The following ZNF558 variants were observed in gnomAD, a reference collection of about 807,000 sequenced individuals.
The protein encoded by ZNF558 is zinc finger protein 558.
In ZNF558, 23 loss-of-function variants were observed where a neutral mutation model predicts 37.6. That is an observed-to-expected ratio of 0.61 (90% CI 0.44 to 0.87). The LOEUF is 0.87. ZNF558 is among the 40% of genes least tolerant of loss of function. The pLI, the probability that ZNF558 is intolerant of heterozygous loss-of-function variation, is 0.00. For synonymous variants in ZNF558, 189 were observed against 174.4 expected, an observed-to-expected ratio of 1.08 and a Z score of -0.66; for missense variants, 429 against 483.7, an observed-to-expected ratio of 0.89 and a Z score of 1.06.
intron 7 of ZNF558, among the ~76,000 whole-genome samples, chr19:8,816,729 G>A (rs1036460928): frequency 3.3e-5 from 5 of 152,172 alleles, no homozygotes; most frequent in Non-Finnish European, 7.3e-5. Context: ...GAAGAACACA[G>A]GTAAAGGTAA....
chr19:8,824,736 C>T (rs974052452), intron 3 of ZNF558, among the ~76,000 whole-genome samples: 1 of 152,138 alleles, frequency 6.6e-6, no homozygotes, highest in Non-Finnish European at 1.5e-5. Context: ...TCGAAGCTCT[C>T]TCCTCCGCCC....
At chr19:8,831,679 C>T (rs2044360472) in intron 1 of ZNF558, among the ~76,000 whole-genome samples, 1 of 152,186 alleles carries the variant, frequency 6.6e-6, no homozygotes, top group Non-Finnish European at 1.5e-5. Context: ...ACTCCACAGG[C>T]TTTAAAAATA....
chr19:8,807,807 T>C lies in ZNF558; in HGVS notation c.*3474A>G, dbSNP rs2043715326. ...TTTTCTATAATCTGTTCCTCCTCCATTAGGTGAAGTATTTCAATGGCAAAA... is the reference window on the plus strand; with the variant it reads ...TTTTCTATAATCTGTTCCTCCTCCACTAGGTGAAGTATTTCAATGGCAAAA... On this transcript the variant is annotated 3_prime_UTR_variant, in exon 10 of 10. Transcript: ENST00000601372. The C allele has an allele frequency of 6.6e-6, 1 of 152,108 alleles. No individual in the cohort carries two copies. Among genetic ancestry groups the C allele is most frequent in the Non-Finnish European group, 1.5e-5 (1 of 68,020 alleles). The allele number at this position is 152,108 out of a possible 1,614,324, so 9.4% of individuals were successfully genotyped here.
intron 7 of ZNF558, among the ~76,000 whole-genome samples, chr19:8,818,115 A>G (rs576571339): frequency 2.0e-5 from 3 of 152,286 alleles, no homozygotes; most frequent in Non-Finnish European, 4.4e-5. Flanking sequence ...AAAACAATGA[A>G]CTCATACAAA....
chr19:8,832,092 C>G (rs2044373841), intron 1 of ZNF558, 117 bp downstream of exon 1: 1 of 152,370 alleles, frequency 6.6e-6, no homozygotes, highest in South Asian at 2.1e-4. Context: ...AGCTCACAGC[C>G]CGAGGCCTCA....
At chr19:8,836,507 T>A (rs1218872132), upstream of ZNF558, among the ~76,000 whole-genome samples, 2 of 151,352 alleles carry the variant, frequency 1.3e-5, no homozygotes, top group Non-Finnish European at 3.0e-5. Flanking sequence ...TTCTTTTTTT[T>A]TGGAGACAGG....
Position 8,811,461 on chromosome 19 carries a change from G to A in ZNF558, c.1029C>T (p.Thr343=), listed in dbSNP as rs368343151. ...FSLTVHKRIH[T]GEKPYECSDC... ...CACTGCACTCGTAGGGTTTCTCTCC[G>A]GTATGTATTCTCTTGTGCACAGTAA... is the stretch of plus-strand genomic sequence containing the variant. Residue 343 remains threonine, a synonymous_variant, in exon 10 of 10, where the codon ACC becomes ACT. Transcript: ENST00000601372. The A allele has an allele frequency of 1.8e-5, 29 of 1,613,802 alleles. No homozygotes were observed. The highest frequency in any genetic ancestry group is 4.0e-5 in the African/African-American group (3 of 74,934).
At chr19:8,815,626 A>T (rs183044705) in intron 7 of ZNF558, among the ~76,000 whole-genome samples, 170 of 152,078 alleles carry the variant, frequency 1.1e-3, no homozygotes, top group African/African-American at 3.9e-3. Flanking sequence ...ACAAAAAATT[A>T]AAAAAATTAG....
intron 2 of ZNF558, among the ~76,000 whole-genome samples, chr19:8,827,785 G>T (rs2044266343): frequency 6.6e-6 from 1 of 151,952 alleles, no homozygotes; most frequent in Non-Finnish European, 1.5e-5. Context: ...TGTTGGCCAG[G>T]CTGGTCTTGA....
chr19:8,832,787 T>TC (rs1228456018), upstream of ZNF558, among the ~76,000 whole-genome samples: 1 of 148,602 alleles, frequency 6.7e-6, no homozygotes, highest in African/African-American at 2.5e-5. Flanking sequence ...GGTGGAGACC[T>TC]CCATTTCCGG....
upstream of ZNF558, among the ~76,000 whole-genome samples, chr19:8,836,361 TTTCTTCC>T (rs1178151195): frequency 6.6e-6 from 1 of 151,944 alleles, no homozygotes; most frequent in Non-Finnish European, 1.5e-5. Context: ...CTCCTCCTCC[TTTCTTCC>T]TTCTTCCTTA....
At position 8,828,193 on chromosome 19, in the gene ZNF558, C is replaced by T. The variant is rs942196879; in HGVS notation, c.-508-3085G>A. Among the ~76,000 whole-genome samples, 8 of 152,186 alleles carry T rather than the reference C, an allele frequency of 5.3e-5. No individual in the cohort carries two copies. In the East Asian group the frequency reaches 7.7e-4, roughly 15 times the overall value. ...AAAAGTAAATATGGAACTTGTTAAA[C>T]AGGAAGGTAATAGTAACCTAAAACA... On this transcript the variant is annotated intron_variant, in intron 2 of 9. Coordinates refer to ENST00000601372, the MANE Select transcript of ZNF558 (RefSeq NM_144693.3).
chr19:8,809,048 GGATTAAAGGC>G lies in ZNF558; in HGVS notation c.*2223_*2232del, dbSNP rs2043728203. On this transcript the variant is annotated 3_prime_UTR_variant, in exon 10 of 10. Coordinates refer to ENST00000601372, the MANE Select transcript of ZNF558 (RefSeq NM_144693.3). Reference sequence around the variant, plus strand: ...CCACCTCAGCCTCTCAAAAGTGCTGGGATTAAAGGCGTGAGCCACCACACCCAGCCTAGGG... The same window carrying G: ...CCACCTCAGCCTCTCAAAAGTGCTGGGTGAGCCACCACACCCAGCCTAGGG... 1 of 152,228 alleles carries G rather than the reference GGATTAAAGGC, an allele frequency of 6.6e-6. No homozygotes were observed. Among genetic ancestry groups the G allele is most frequent in the South Asian group, 2.1e-4 (1 of 4,822 alleles). 9.4% of individuals were successfully genotyped at this position (152,228 alleles called of 1,614,324 possible). A position where few individuals can be genotyped will look rare whatever the true frequency, so the allele number is the denominator to read the frequency against.
chr19:8,821,936 G>A, intron 6 of ZNF558, 67 bp downstream of exon 6: 3 of 1,598,046 alleles, frequency 1.9e-6, no homozygotes, highest in African/African-American at 1.3e-5. Flanking sequence ...CCAGGCTGCT[G>A]GAAGGTATCA....
In ZNF558 at chr19:8,821,162, G is replaced by A. The variant is rs1198868652; in HGVS notation, c.247+18C>T. ...CACTGGAGTCATTAAATAAATGCAG[G>A]AATGACATTAGGCTTACCTAGTGAG... On this transcript the variant is annotated intron_variant, in intron 7 of 9. Coordinates refer to ENST00000601372, the MANE Select transcript of ZNF558 (RefSeq NM_144693.3). 3 of 1,610,696 alleles carry A rather than the reference G, an allele frequency of 1.9e-6. No individual in the cohort carries two copies. The highest frequency in any genetic ancestry group is 2.2e-5 in the East Asian group (1 of 44,774).
At chr19:8,823,243 C>A (rs1245836703) in intron 4 of ZNF558, among the ~76,000 whole-genome samples, 1 of 152,048 alleles carries the variant, frequency 6.6e-6, no homozygotes, top group Non-Finnish European at 1.5e-5. Context: ...AGAAACTCCC[C>A]TCTCTCTGAA....
Position 8,809,458 on chromosome 19 carries a change from T to C in ZNF558, c.*1823A>G, listed in dbSNP as rs1388066353. The stretch of plus-strand genomic sequence containing the variant: ...TGTTTGTTTCTTTAAACGAATAAAC[T>C]GAAGAGAACGGACACTGGGAAAGAA... On this transcript the variant is annotated 3_prime_UTR_variant, in exon 10 of 10. Transcript: ENST00000601372. The C allele has an allele frequency of 1.3e-5, 2 of 152,138 alleles. No homozygotes were observed. The highest frequency in any genetic ancestry group is 4.8e-5 in the African/African-American group (2 of 41,424). 9.4% of individuals were successfully genotyped at this position (152,138 alleles called of 1,614,324 possible). A position where few individuals can be genotyped will look rare whatever the true frequency, so the allele number is the denominator to read the frequency against.
upstream of ZNF558, among the ~76,000 whole-genome samples, chr19:8,836,190 T>C (rs2044453360): frequency 6.6e-6 from 1 of 152,226 alleles, no homozygotes; most frequent in Admixed American, 6.5e-5. Context: ...TTAAAAAATG[T>C]AGAATTATAC....
chr19:8,821,531 A>G, intron 6 of ZNF558: 1 of 1,432,426 alleles, frequency 7.0e-7, no homozygotes, highest in Non-Finnish European at 9.1e-7. Flanking sequence ...CTCAGCCCTC[A>G]ATGCTTGTCT....
Sources: allele counts gnomAD v4.1 joint callset (sites outside exome capture counted in the v4.1 genomes callset), GRCh38; gene constraint gnomAD v4.1.1; transcripts MANE v1.5; gene names NCBI Gene and HGNC (gene_info 2026-07-23, HGNC 2026-07-21).